The following RPH3A variants were observed in gnomAD, a reference collection of about 807,000 sequenced individuals.
RPH3A encodes rabphilin-3A.
Under a neutral mutation model 102.2 loss-of-function variants are expected in RPH3A, and 48 were observed. The ratio of observed to expected loss-of-function variants is 0.47; its 90% CI spans 0.37 to 0.60. The LOEUF (loss-of-function observed/expected upper bound fraction) is 0.60, where lower values mean the gene tolerates loss of function less well. RPH3A is among the 20% of genes least tolerant of loss of function. The probability of loss-of-function intolerance (pLI) is 0.00; values close to 1 mark genes in which losing one functional copy is unlikely to be tolerated. For synonymous variants in RPH3A, 310 were observed against 324.3 expected (o/e 0.96, Z 0.47); for missense variants, 781 against 910.1 (o/e 0.86, Z 1.83).
intron 1 of RPH3A, among the ~76,000 whole-genome samples, chr12:112,594,293 G>A (rs2039499594): frequency 6.6e-6 from 1 of 152,016 alleles, no homozygotes; most frequent in Non-Finnish European, 1.5e-5. Context: ...TCACCTTCTG[G>A]CCTCTTATTC....
chr12:112,582,095 A>G (rs1419046877), intron 1 of RPH3A, among the ~76,000 whole-genome samples: 2 of 147,928 alleles, frequency 1.4e-5, no homozygotes, highest in Non-Finnish European at 3.0e-5. Context: ...CGAAGAACCA[A>G]TGTAAACACT....
chr12:112,678,328 A>G (rs7964497), intron 1 of RPH3A, among the ~76,000 whole-genome samples: 14,349 of 49,530 alleles, frequency 0.29, 4,766 homozygotes, highest in African/African-American at 0.53. Flanking sequence ...AAAGAAAGAA[A>G]GAAGGAAGGA....
intron 1 of RPH3A, among the ~76,000 whole-genome samples, chr12:112,592,682 A>G (rs983832270): frequency 6.6e-6 from 1 of 152,184 alleles, no homozygotes; most frequent in Non-Finnish European, 1.5e-5. Context: ...TGGATGCAGA[A>G]CCTGCAGATA....
At chr12:112,864,737 A>T (rs2042578918) in intron 5 of RPH3A, among the ~76,000 whole-genome samples, 1 of 152,194 alleles carries the variant, frequency 6.6e-6, no homozygotes, top group South Asian at 2.1e-4. Flanking sequence ...CTTCCAGGAC[A>T]TTCATTTTCA....
At chr12:112,791,532 T>G (rs1257110290), upstream of RPH3A, 1 of 147,998 alleles carries the variant, frequency 6.8e-6, no homozygotes, top group African/African-American at 2.5e-5. Context: ...ACCCATCCCC[T>G]CCTCCAAGGC....
intron 1 of RPH3A, among the ~76,000 whole-genome samples, chr12:112,636,361 C>T (rs1344166928): frequency 1.3e-5 from 2 of 152,220 alleles, no homozygotes; most frequent in Non-Finnish European, 2.9e-5. Flanking sequence ...GCTAACAATG[C>T]AATGTCTGGC....
At chr12:112,859,795 G>T (rs2042476488) in intron 5 of RPH3A, among the ~76,000 whole-genome samples, 3 of 152,164 alleles carry the variant, frequency 2.0e-5, no homozygotes, top group Admixed American at 1.3e-4. Flanking sequence ...CAACCCCATA[G>T]AATTATTCTC....
intron 6 of RPH3A, 110 bp from the exon 7 acceptor site, chr12:112,866,647 G>T (rs1233497638): frequency 1.2e-5 from 10 of 825,214 alleles, no homozygotes; most frequent in Non-Finnish European, 1.7e-5. Flanking sequence ...TGGGAGAAAT[G>T]GAAGCAAGTT....
intron 3 of RPH3A, among the ~76,000 whole-genome samples, chr12:112,835,137 A>G (rs1206620415): frequency 6.6e-6 from 1 of 152,158 alleles, no homozygotes; most frequent in East Asian, 1.9e-4. Flanking sequence ...TCTGTTTACT[A>G]CTTCTTCTAT....
At chr12:112,713,044 TTCTTCTC>T (rs2040487236) in intron 1 of RPH3A, among the ~76,000 whole-genome samples, 2 of 77,556 alleles carry the variant, frequency 2.6e-5, no homozygotes, top group African/African-American at 1.3e-4. Context: ...CTTCTTCTTC[TTCTTCTC>T]CTTCTTCTTC....
At chr12:112,648,864 G>C (rs1423608712) in intron 1 of RPH3A, among the ~76,000 whole-genome samples, 1 of 151,976 alleles carries the variant, frequency 6.6e-6, no homozygotes, top group Non-Finnish European at 1.5e-5. Flanking sequence ...CTGTCACCCA[G>C]GCTGGAATGC....
At chr12:112,621,742 A>T (rs1023540521) in intron 1 of RPH3A, among the ~76,000 whole-genome samples, 108 of 152,174 alleles carry the variant, frequency 7.1e-4, no homozygotes, top group African/African-American at 2.6e-3. Context: ...TGTAGGCTTC[A>T]CCTCTGGGGG....
chr12:112,840,388 G>T (rs1430470990), intron 4 of RPH3A, among the ~76,000 whole-genome samples: 1 of 152,060 alleles, frequency 6.6e-6, no homozygotes, highest in Non-Finnish European at 1.5e-5. Flanking sequence ...GTTAATTGTA[G>T]TCATCCTATT....
At chr12:112,645,640 T>C (rs560863389) in intron 1 of RPH3A, among the ~76,000 whole-genome samples, 17 of 152,328 alleles carry the variant, frequency 1.1e-4, no homozygotes, top group African/African-American at 3.6e-4. Context: ...TTCTACTCCA[T>C]CTGGAGCTTG....
At chr12:112,892,144 A>T (rs886197043) in intron 19 of RPH3A, among the ~76,000 whole-genome samples, 3 of 152,108 alleles carry the variant, frequency 2.0e-5, no homozygotes, top group African/African-American at 7.2e-5. Flanking sequence ...GTTTCTGTGG[A>T]TGTGGATCTC....
chr12:112,800,892 C>A (rs944069463), intron 2 of RPH3A, among the ~76,000 whole-genome samples: 2 of 152,134 alleles, frequency 1.3e-5, no homozygotes, highest in Non-Finnish European at 1.5e-5. Flanking sequence ...CAAGGCCGTT[C>A]AGGGAGCTCT....
At chr12:112,672,669 T>C (rs1221989255) in intron 1 of RPH3A, among the ~76,000 whole-genome samples, 1 of 152,196 alleles carries the variant, frequency 6.6e-6, no homozygotes, top group Non-Finnish European at 1.5e-5. Context: ...CCTGGGGGCA[T>C]GCTCACTTGT....
At chr12:112,793,401 T>C (rs577640797) in intron 2 of RPH3A, among the ~76,000 whole-genome samples, 1 of 152,240 alleles carries the variant, frequency 6.6e-6, no homozygotes, top group Admixed American at 6.5e-5. Flanking sequence ...CTCTTGGAGG[T>C]GGGAGGAATA....
intron 1 of RPH3A, among the ~76,000 whole-genome samples, chr12:112,592,349 G>A (rs1236968350): frequency 6.6e-6 from 1 of 152,138 alleles, no homozygotes; most frequent in East Asian, 1.9e-4. Context: ...TTGAGATGGA[G>A]TGTCTGTCAC....
Sources: allele counts gnomAD v4.1 joint callset (sites outside exome capture counted in the v4.1 genomes callset), GRCh38; gene constraint gnomAD v4.1.1; transcripts MANE v1.5; gene names NCBI Gene and HGNC (gene_info 2026-07-23, HGNC 2026-07-21).